Variants in COL18A1 observed in about 807,000 individuals in gnomAD.
COL18A1 encodes the protein collagen type XVIII alpha 1 chain, also known as collagen alpha-1(XVIII) chain.
In COL18A1, 133 loss-of-function variants were observed where a neutral mutation model predicts 168.0. That is an observed-to-expected ratio of 0.79 (90% CI 0.69 to 0.91). COL18A1 has a LOEUF of 0.91. Ranked by LOEUF, COL18A1 falls within the 40% of genes least tolerant of loss-of-function variation. The pLI, the probability that COL18A1 is intolerant of heterozygous loss-of-function variation, is 0.00. For synonymous variants in COL18A1, 949 were observed against 809.0 expected (o/e 1.17, Z -2.94); for missense variants, 2,126 against 1,925.4 (o/e 1.10, Z -1.95).
rs1471481659 is a variant in COL18A1 at position 45,473,969 on chromosome 21, T to C, written c.726T>C (p.Asp242=). 20 of 1,596,612 alleles carry C rather than the reference T, an allele frequency of 1.3e-5. No individual in the cohort carries two copies. The highest frequency in any genetic ancestry group is 1.6e-5 in the Non-Finnish European group (19 of 1,171,872). ...TGCACTGCCTGGACGAGGAAGGCGA[T>C]GACTCAGATGGGGTGAGTGACATCT... ...SPMHCLDEEG[D]DSDGASGDSG... The change falls in exon 4 of 42, where the codon GAT becomes GAC. Residue 242 remains aspartate (D), a synonymous_variant. Coordinates refer to ENST00000651438, the MANE Select transcript of COL18A1 (RefSeq NM_001379500.1). The surrounding 1 kb of genome is among the most constrained non-coding windows in gnomAD (Gnocchi z 4.0).
chr21:45,431,198 C>A (rs117265607), intron 2 of COL18A1, among the ~76,000 whole-genome samples: 2 of 152,146 alleles, frequency 1.3e-5, no homozygotes, highest in East Asian at 1.9e-4. Context: ...GGGTGGGCGA[C>A]GGACAGACAG....
At chr21:45,493,385 C>T (rs2036426279) in intron 25 of COL18A1, 116 bp from the exon 26 acceptor site, 17 of 1,285,126 alleles carry the variant, frequency 1.3e-5, no homozygotes, top group Middle Eastern at 1.8e-4. Flanking sequence ...GGTCACCTCC[C>T]GTGAAAGGAC....
In COL18A1 at chr21:45,437,185, CACACAG is replaced by C. The variant is rs1290158520; in HGVS notation, c.107-31051_107-31046del. Among the ~76,000 whole-genome samples the C allele has an allele frequency of 1.2e-3, 112 of 90,490 alleles. 9 individuals carry two copies. The highest frequency in any genetic ancestry group is 7.1e-3 in the African/African-American group (102 of 14,340). The allele number at this position is 90,490 out of a possible 152,430, so 59.4% of individuals were successfully genotyped here. On this transcript the variant is annotated intron_variant, in intron 2 of 41. Transcript: ENST00000651438. ...ACAGGCACTCTCCTGCACACACACT[CACACAG>C]ACACACAGGCACTCTCCTGCACACA...
intron 2 of COL18A1, among the ~76,000 whole-genome samples, chr21:45,451,489 C>T (rs925937524): frequency 5.3e-5 from 8 of 152,184 alleles, no homozygotes; most frequent in East Asian, 1.9e-4. Context: ...GCCGCCTTTC[C>T]GGGATCCCAC....
intron 2 of COL18A1, among the ~76,000 whole-genome samples, chr21:45,405,962 C>G (rs2033092987): frequency 6.6e-6 from 1 of 152,074 alleles, no homozygotes; most frequent in Non-Finnish European, 1.5e-5. Context: ...CCGCCGCCCT[C>G]AGGCCTCTGT....
At chr21:45,496,129 C>CCCTCCA in intron 29 of COL18A1, 1 of 408,746 alleles carries the variant, frequency 2.4e-6, no homozygotes. Context: ...GCCCTCCATG[C>CCCTCCA]TGGGGGTTCT....
At position 45,437,258 on chromosome 21, in the gene COL18A1, TCA is replaced by T. The variant is rs1217773516; in HGVS notation, c.107-30978_107-30977del. Among the ~76,000 whole-genome samples the T allele has an allele frequency of 2.0e-3, 53 of 26,570 alleles. 1 individual carries two copies. The highest frequency in any genetic ancestry group is 2.4e-3 in the Non-Finnish European group (33 of 13,744). The allele number at this position is 26,570 out of a possible 152,430, so 17.4% of individuals were successfully genotyped here. Reference sequence around the variant, plus strand: ...GGCACTCTCCTGTACACACACACACTCACACACTCAGACACACAGGCACTCTC... The same window carrying T: ...GGCACTCTCCTGTACACACACACACTCACACTCAGACACACAGGCACTCTC... On this transcript the variant is annotated intron_variant, in intron 2 of 41. Transcript: ENST00000651438.
In COL18A1 at chr21:45,443,142, G is replaced by C. The variant is rs865844411; in HGVS notation, c.107-25100G>C. Among the ~76,000 whole-genome samples the C allele has an allele frequency of 0.018, 1,854 of 102,436 alleles. 39 individuals are homozygous for C. Among genetic ancestry groups the C allele is most frequent in the African/African-American group, 0.067 (1,720 of 25,682 alleles). The allele number at this position is 102,436 out of a possible 152,430, so 67.2% of individuals were successfully genotyped here. The stretch of plus-strand genomic sequence containing the variant: ...CGGCGGTGCTGGTGTGGGCGGCGGT[G>C]CTGGTGTGGGCGGCGGTGCTGGTGT... On this transcript the variant is annotated intron_variant, in intron 2 of 41. Coordinates refer to ENST00000651438, the MANE Select transcript of COL18A1 (RefSeq NM_001379500.1). The surrounding 1 kb of genome is among the most constrained non-coding windows in gnomAD (Gnocchi z 5.2).
intron 2 of COL18A1, among the ~76,000 whole-genome samples, chr21:45,431,453 G>A (rs2033958318): frequency 8.3e-6 from 1 of 120,306 alleles, no homozygotes; most frequent in Non-Finnish European, 1.7e-5. Flanking sequence ...GGCGGCCCAG[G>A]GGAGGGGGGC....
At chr21:45,421,444 A>G (rs746303133) in intron 2 of COL18A1, 7 of 534,556 alleles carry the variant, frequency 1.3e-5, no homozygotes, top group Middle Eastern at 6.4e-4. Context: ...GCTGTGTTGC[A>G]GTGACAGCCC....
At position 45,505,189 on chromosome 21, in the gene COL18A1, C is replaced by A. The variant is rs758892989; in HGVS notation, c.2924C>A (p.Pro975His). 2 of 1,605,026 alleles carry A rather than the reference C, an allele frequency of 1.2e-6. No individual in the cohort carries two copies. Among genetic ancestry groups the A allele is most frequent in the Non-Finnish European group, 1.7e-6 (2 of 1,176,864 alleles). ...CCCGGCCCACCTGGACCTCAGGGACCCCCCGGCATCGGCTACGAGGGGCGC... is the reference window on the plus strand; with the variant it reads ...CCCGGCCCACCTGGACCTCAGGGACACCCCGGCATCGGCTACGAGGGGCGC... Reference protein sequence around the residue: ...GQPGPPGPQGPPGIGYEGRQG... With the variant: ...GQPGPPGPQGHPGIGYEGRQG... The change falls in exon 35 of 42, where the codon CCC (proline) becomes CAC (histidine). Residue 975 changes from proline (P) to histidine (H), a missense_variant. Coordinates refer to ENST00000651438, the MANE Select transcript of COL18A1 (RefSeq NM_001379500.1).
chr21:45,490,735 GGAAA>G (rs2145982637), intron 20 of COL18A1, 97 bp from the exon 21 acceptor site: 2 of 1,303,836 alleles, frequency 1.5e-6, no homozygotes, highest in East Asian at 5.0e-5. Context: ...CAGCCGGTCG[GGAAA>G]TAAAGAACCC....
intron 12 of COL18A1, 81 bp from the exon 13 acceptor site, chr21:45,480,619 G>T (rs1013603678): frequency 1.2e-6 from 2 of 1,612,780 alleles, no homozygotes; most frequent in Non-Finnish European, 1.7e-6. Context: ...GGGGGGTGGG[G>T]ATGAGGCCCG....
In COL18A1 at chr21:45,486,959, TGGGCCCCCA is replaced by T. The variant is rs2036135756; in HGVS notation, c.1803_1811del (p.Pro603_Pro605del). ...GACCACCAGGCCCCCCTGGGCCCCC[TGGGCCCCCA>T]GGACCAGGACTCCCCGCTGGATTTG... On this transcript the variant is annotated inframe_deletion, in exon 16 of 42. Coordinates refer to ENST00000651438, the MANE Select transcript of COL18A1 (RefSeq NM_001379500.1). 2 of 1,499,776 alleles carry T rather than the reference TGGGCCCCCA, an allele frequency of 1.3e-6. No individual in the cohort carries two copies. The highest frequency in any genetic ancestry group is 1.4e-5 in the African/African-American group (1 of 70,426). 92.9% of individuals were successfully genotyped at this position (1,499,776 alleles called of 1,614,324 possible). A position where few individuals can be genotyped will look rare whatever the true frequency, so the allele number is the denominator to read the frequency against.
Position 45,480,262 on chromosome 21 carries a change from G to A in COL18A1, c.1398+106G>A, listed in dbSNP as rs184283494. On this transcript the variant is annotated intron_variant, in intron 11 of 41. Transcript: ENST00000651438. ...GCTCCACCCTCAGGGGCTTGCGTGG[G>A]GTCTTGGCTGAGCTGAGGGGTCACA... is the stretch of plus-strand genomic sequence containing the variant. 3.9e-4 allele frequency: 441 copies of A among 1,144,118 alleles called. No homozygotes were observed. The African/African-American group carries it at 5.5e-3, about 14-fold the overall frequency. The allele number at this position is 1,144,118 out of a possible 1,614,324, so 70.9% of individuals were successfully genotyped here.
rs1215342164 is a variant in COL18A1, at chr21:45,456,233, G to A, written c.107-12009G>A. On this transcript the variant is annotated intron_variant, in intron 2 of 41. Coordinates refer to ENST00000651438, the MANE Select transcript of COL18A1 (RefSeq NM_001379500.1). Reference sequence around the variant, plus strand: ...GGCCCCTCCCTGGGGAAGCCTGCAGGACCCAGACAGCCAAGGACTCTCGCC... The same window carrying A: ...GGCCCCTCCCTGGGGAAGCCTGCAGAACCCAGACAGCCAAGGACTCTCGCC... The A allele has an allele frequency of 5.0e-6, 8 of 1,602,530 alleles. No homozygotes were observed. In the South Asian group the frequency reaches 7.8e-5, roughly 16 times the overall value.
chr21:45,486,157 C>T (rs966392892), intron 15 of COL18A1, among the ~76,000 whole-genome samples: 3 of 152,210 alleles, frequency 2.0e-5, no homozygotes, highest in Admixed American at 6.5e-5. Flanking sequence ...CTGCTTCTCA[C>T]GGCTTTCGGA....
intron 2 of COL18A1, among the ~76,000 whole-genome samples, chr21:45,410,572 A>G (rs1038173497): frequency 6.6e-6 from 1 of 152,196 alleles, no homozygotes; most frequent in Admixed American, 6.5e-5. Context: ...TCGTTTGCTC[A>G]TTTATTTTTG....
At chr21:45,480,184 C>A in intron 11 of COL18A1, 28 bp downstream of exon 11, 1 of 1,352,962 alleles carries the variant, frequency 7.4e-7, no homozygotes, top group Non-Finnish European at 1.0e-6. Flanking sequence ...CTTCCTGCGA[C>A]CCGGGGTCTG....
Sources: allele counts gnomAD v4.1 joint callset (sites outside exome capture counted in the v4.1 genomes callset), GRCh38; gene constraint gnomAD v4.1.1; non-coding constraint Gnocchi (gnomAD v3.1); transcripts MANE v1.5; gene names NCBI Gene and HGNC (gene_info 2026-07-23, HGNC 2026-07-21).